Variants in VPS13C observed in about 807,000 individuals in gnomAD.
VPS13C encodes vacuolar protein sorting 13 homolog C, also known as intermembrane lipid transfer protein VPS13C.
Under a neutral mutation model 456.8 loss-of-function variants are expected in VPS13C, and 358 were observed. The observed-to-expected ratio is 0.78, with a 90% CI of 0.72 to 0.86. The LOEUF (loss-of-function observed/expected upper bound fraction) is 0.86. VPS13C is among the 40% of genes least tolerant of loss of function. The pLI, the probability that VPS13C is intolerant of heterozygous loss-of-function variation, is 0.00. For synonymous variants in VPS13C, 1,578 were observed against 1,486.7 expected (o/e 1.06, Z -1.41); for missense variants, 4,818 against 4,385.4 (o/e 1.10, Z -2.79).
chr15:62,051,605 TGCCATAAAA>T (rs1369846099), intron 1 of VPS13C, among the ~76,000 whole-genome samples: 1 of 152,130 alleles, frequency 6.6e-6, no homozygotes, highest in Non-Finnish European at 1.5e-5. Flanking sequence ...ACAACAAAAA[TGCCATAAAA>T]GAATCAGACT....
rs759738753 is a variant in VPS13C at position 61,954,489 on chromosome 15, T to C, written c.4231A>G (p.Thr1411Ala). 1.9e-6 allele frequency: 3 copies of C among 1,609,954 alleles called. No homozygotes were observed. The highest frequency in any genetic ancestry group is 1.1e-5 in the South Asian group (1 of 89,686). Residue 1411 changes from threonine to alanine, a missense_variant, in exon 38 of 85, where the codon ACA (threonine) becomes GCA (alanine). By Grantham distance (58) the Thr-to-Ala change is moderately conservative (BLOSUM62 0). Coordinates refer to ENST00000644861, the MANE Select transcript of VPS13C (RefSeq NM_020821.3). Reference protein sequence around the residue: ...QDVHDSKNTLTTGVEEIRSVD... With the variant: ...QDVHDSKNTLATGVEEIRSVD... ...GACCTAATTTCTTCCACTCCAGTTG[T>C]TAAAGTATTTTTTGAATCATGTACA... is the stretch of plus-strand genomic sequence containing the variant.
intron 49 of VPS13C, among the ~76,000 whole-genome samples, chr15:61,932,864 G>C (rs2044107485): frequency 6.6e-6 from 1 of 152,170 alleles, no homozygotes; most frequent in Non-Finnish European, 1.5e-5. Context: ...TACTGATATG[G>C]TTTCCTGATG....
At chr15:61,876,913 G>A in intron 75 of VPS13C, 60 bp downstream of exon 75, 1 of 1,308,246 alleles carries the variant, frequency 7.6e-7, no homozygotes, top group South Asian at 1.4e-5. Context: ...ACAGTCACAT[G>A]CAAATGTTTT....
intron 38 of VPS13C, among the ~76,000 whole-genome samples, chr15:61,954,134 A>G (rs142745454): frequency 1.7e-3 from 254 of 152,266 alleles, no homozygotes; most frequent in African/African-American, 5.6e-3. Flanking sequence ...ATCTGACACT[A>G]TTGTCCTTTC....
chr15:61,853,227 TAGTA>T lies in VPS13C; in HGVS notation c.*1226_*1229del, dbSNP rs1448934627. 6.6e-6 allele frequency: 1 copy of T among 152,200 alleles called. No homozygotes were observed. Among genetic ancestry groups the T allele is most frequent in the Non-Finnish European group, 1.5e-5 (1 of 68,026 alleles). The allele number at this position is 152,200 out of a possible 1,614,324, so 9.4% of individuals were successfully genotyped here. A position where few individuals can be genotyped will look rare whatever the true frequency, so the allele number is the denominator to read the frequency against. ...ACAACCAAAGAATTTTCATTCTTCT[TAGTA>T]AGTATTTAAAATACATTCTAGGCGT... On this transcript the variant is annotated 3_prime_UTR_variant, in exon 85 of 85. Coordinates refer to ENST00000644861, the MANE Select transcript of VPS13C (RefSeq NM_020821.3).
intron 29 of VPS13C, among the ~76,000 whole-genome samples, 179 bp downstream of exon 29, chr15:61,967,189 A>G (rs2045403269): frequency 6.6e-6 from 1 of 152,014 alleles, no homozygotes; most frequent in Admixed American, 6.6e-5. Context: ...TTGTATAATA[A>G]TAGCCCCGTA....
chr15:62,041,276 G>A (rs755171677), intron 3 of VPS13C, 48 bp downstream of exon 3: 1 of 1,562,412 alleles, frequency 6.4e-7, no homozygotes, highest in South Asian at 1.2e-5. Flanking sequence ...AAGCAAAATA[G>A]AAAACAATAG....
chr15:61,954,544 T>C lies in VPS13C; in HGVS notation c.4176A>G (p.Lys1392=). The C allele has an allele frequency of 6.3e-7, 1 of 1,576,594 alleles. No homozygotes were observed. Among genetic ancestry groups the C allele is most frequent in the Non-Finnish European group, 8.6e-7 (1 of 1,168,322 alleles). ...KPRVQETGEI[K]EPLEISISQD... is the part of the protein sequence containing the mutation. ...GTGATATAGAGATTTCAAGGGGCTC[T>C]TTAATTTCACCTGAAATGTTTAAAA... Residue 1392 remains lysine (K), a synonymous_variant, in exon 38 of 85, where the codon AAA becomes AAG. Transcript: ENST00000644861.
intron 2 of VPS13C, 73 bp from the exon 3 acceptor site, chr15:62,041,439 C>A: frequency 7.3e-7 from 1 of 1,372,128 alleles, no homozygotes; most frequent in South Asian, 1.3e-5. Flanking sequence ...TTTGTGTGAT[C>A]ATTTAAATAC....
At chr15:62,011,309 G>C (rs1046626668) in intron 12 of VPS13C, among the ~76,000 whole-genome samples, 5 of 152,056 alleles carry the variant, frequency 3.3e-5, no homozygotes, top group African/African-American at 1.2e-4. Flanking sequence ...AATGGAAAAT[G>C]CCTAAGAATG....
chr15:62,022,620 G>GACTTATCAAGTTACATAGGGA (rs1482433861), intron 8 of VPS13C, among the ~76,000 whole-genome samples: 3 of 151,710 alleles, frequency 2.0e-5, no homozygotes, highest in Non-Finnish European at 4.4e-5. Flanking sequence ...GTGTCCTGCT[G>GACTTATCAAGTTACATAGGGA]ACTTATCAAG....
chr15:61,925,384 T>A, intron 53 of VPS13C, 72 bp downstream of exon 53: 1 of 835,020 alleles, frequency 1.2e-6, no homozygotes, highest in Middle Eastern at 3.9e-4. Flanking sequence ...AAAGATACTG[T>A]CTCAACTGCA....
chr15:62,010,374 C>T (rs1048991856), intron 13 of VPS13C, 98 bp downstream of exon 13: 6 of 1,290,302 alleles, frequency 4.7e-6, no homozygotes, highest in African/African-American at 4.6e-5. Flanking sequence ...CATAACAAAC[C>T]CCAAAAAACC....
chr15:61,871,861 A>G, intron 79 of VPS13C, 128 bp downstream of exon 79: 1 of 770,450 alleles, frequency 1.3e-6, no homozygotes. Context: ...GAGCAACTTA[A>G]GGCTACGAAT....
chr15:61,954,478 C>T lies in VPS13C; in HGVS notation c.4242G>A (p.Val1414=), dbSNP rs1375739639. The T allele has an allele frequency of 6.2e-7, 1 of 1,609,462 alleles. No homozygotes were observed. The highest frequency in any genetic ancestry group is 1.7e-5 in the Admixed American group (1 of 59,374). ...TGATGTCTACAGACCTAATTTCTTC[C>T]ACTCCAGTTGTTAAAGTATTTTTTG... The part of the protein sequence containing the change: ...HDSKNTLTTG[V]EEIRSVDIIN... The change falls in exon 38 of 85, where the codon GTG becomes GTA. Residue 1414 remains valine (V), a synonymous_variant. Coordinates refer to ENST00000644861, the MANE Select transcript of VPS13C (RefSeq NM_020821.3).
intron 75 of VPS13C, among the ~76,000 whole-genome samples, 158 bp downstream of exon 75, chr15:61,876,815 A>G (rs1895458017): frequency 6.6e-6 from 1 of 152,040 alleles, no homozygotes; most frequent in African/African-American, 2.4e-5. Flanking sequence ...GGGTTGAACT[A>G]AAGAAACAGA....
rs965627981 is a variant in VPS13C at position 62,060,306 on chromosome 15, G to T, written c.69C>A (p.Asn23Lys). Residue 23 changes from asparagine (N) to lysine (K), a missense_variant, in exon 1 of 85, where the codon AAC (asparagine) becomes AAA (lysine). Around this residue, in one of 3 missense-constraint regions of VPS13C, gnomAD observed 4,552 missense variants for 4,130.6 expected, o/e 1.10. Coordinates refer to ENST00000644861, the MANE Select transcript of VPS13C (RefSeq NM_020821.3). ...AGATGCCCAGCTTCAGCTGGGACTT[G>T]TTCAGGTTCTCCACATAGTCCCCCA... ...RFLGDYVENL[N>K]KSQLKLGIWG... 3.7e-6 allele frequency: 6 copies of T among 1,607,552 alleles called. No homozygotes were observed. The highest frequency in any genetic ancestry group is 3.4e-6 in the Non-Finnish European group (4 of 1,177,480).
chr15:62,000,426 G>C (rs983702777), intron 16 of VPS13C, 138 bp downstream of exon 16: 15 of 735,914 alleles, frequency 2.0e-5, no homozygotes, highest in Non-Finnish European at 3.0e-5. Context: ...CTTTTTTTCA[G>C]TACTCCAGTT....
chr15:61,964,905 A>G, intron 30 of VPS13C, 44 bp from the exon 31 acceptor site: 3 of 1,571,228 alleles, frequency 1.9e-6, no homozygotes, highest in Non-Finnish European at 2.6e-6. Flanking sequence ...ACAGCCAATT[A>G]TAACCTGTAG....
Sources: gnomAD v4.1 joint callset for allele counts (sites outside exome capture counted in the v4.1 genomes callset) on GRCh38, gnomAD v4.1.1 for gene constraint, gnomAD v4.1.1 regional missense constraint, MANE v1.5 for transcripts, NCBI Gene and HGNC (gene_info 2026-07-23, HGNC 2026-07-21) for gene names.